The following AUTS2 variants were observed in gnomAD, a reference collection of about 807,000 sequenced individuals.
AUTS2 encodes the protein autism susceptibility gene 2 protein.
In AUTS2, 17 loss-of-function variants were observed where a neutral mutation model predicts 112.4. The observed-to-expected ratio is 0.15, with a 90% CI of 0.10 to 0.23. The LOEUF (loss-of-function observed/expected upper bound fraction) is 0.23. Among genes scored for constraint, AUTS2 ranks in the 10% least tolerant of loss-of-function variants. The pLI is 1.00. For synonymous variants in AUTS2, 751 were observed against 702.7 expected (o/e 1.07, Z -1.09); for missense variants, 1,510 against 1,701.6 (o/e 0.89, Z 1.98).
chr7:70,373,152 G>T (rs1433485077), intron 4 of AUTS2, among the ~76,000 whole-genome samples: 6 of 151,624 alleles, frequency 4.0e-5, no homozygotes, highest in African/African-American at 1.5e-4. Context: ...TGAGAAACCA[G>T]GGGGGAGTGG....
At chr7:70,458,631 C>T (rs183619649) in intron 5 of AUTS2, among the ~76,000 whole-genome samples, 4 of 152,202 alleles carry the variant, frequency 2.6e-5, no homozygotes, top group East Asian at 1.9e-4. Flanking sequence ...TGGAGGGAAG[C>T]GGGAGGCATG....
At chr7:69,889,502 T>G (rs1794425765) in intron 1 of AUTS2, among the ~76,000 whole-genome samples, 1 of 152,236 alleles carries the variant, frequency 6.6e-6, no homozygotes, top group African/African-American at 2.4e-5. Context: ...GTCTTTTTGA[T>G]AATACCCGTC....
At chr7:69,908,022 A>G (rs1303059876) in intron 2 of AUTS2, among the ~76,000 whole-genome samples, 7 of 152,232 alleles carry the variant, frequency 4.6e-5, no homozygotes, top group African/African-American at 1.7e-4. Context: ...TGAACAAGGA[A>G]TGACCTCCCT....
chr7:69,748,355 G>A (rs1787599147), intron 1 of AUTS2, among the ~76,000 whole-genome samples: 1 of 152,164 alleles, frequency 6.6e-6, no homozygotes, highest in Non-Finnish European at 1.5e-5. Flanking sequence ...AAAATTAAAA[G>A]TATTGCATAA....
At chr7:70,111,000 G>C (rs1295630860) in intron 2 of AUTS2, among the ~76,000 whole-genome samples, 1 of 150,628 alleles carries the variant, frequency 6.6e-6, no homozygotes, top group African/African-American at 2.4e-5. Context: ...GCCCCACCTC[G>C]AGTAGCTGGG....
intron 2 of AUTS2, among the ~76,000 whole-genome samples, chr7:70,085,062 A>G (rs1291561458): frequency 6.6e-6 from 1 of 152,052 alleles, no homozygotes; most frequent in East Asian, 1.9e-4. Flanking sequence ...TTTTTTGTAG[A>G]GATAGGGTTT....
intron 4 of AUTS2, among the ~76,000 whole-genome samples, chr7:70,427,401 T>C (rs1795480369): frequency 1.3e-5 from 2 of 152,198 alleles, no homozygotes; most frequent in Non-Finnish European, 2.9e-5. Context: ...TTGGGGTTTA[T>C]GTATATTTAT....
At chr7:70,362,635 C>T (rs528687693) in intron 4 of AUTS2, among the ~76,000 whole-genome samples, 2 of 152,032 alleles carry the variant, frequency 1.3e-5, no homozygotes, top group East Asian at 1.9e-4. Flanking sequence ...TCCCTCTCTC[C>T]TTCCTCCCGT....
At chr7:70,070,693 C>CGTCT (rs1802719343) in intron 2 of AUTS2, among the ~76,000 whole-genome samples, 1 of 151,850 alleles carries the variant, frequency 6.6e-6, no homozygotes, top group Non-Finnish European at 1.5e-5. Flanking sequence ...GGTGAAACCC[C>CGTCT]GTCTCTACTA....
At chr7:69,707,028 T>C (rs1798088563) in intron 1 of AUTS2, among the ~76,000 whole-genome samples, 1 of 152,208 alleles carries the variant, frequency 6.6e-6, no homozygotes, top group African/African-American at 2.4e-5. Flanking sequence ...CTTGGAATTT[T>C]TCATTTCCTT....
At chr7:70,364,073 G>A (rs1463409735) in intron 4 of AUTS2, among the ~76,000 whole-genome samples, 1 of 152,148 alleles carries the variant, frequency 6.6e-6, no homozygotes, top group African/African-American at 2.4e-5. Flanking sequence ...TATTTCAGCA[G>A]GGTTTGTGGA....
intron 6 of AUTS2, among the ~76,000 whole-genome samples, chr7:70,733,088 A>G (rs183116972): frequency 5.4e-4 from 83 of 152,358 alleles, no homozygotes; most frequent in African/African-American, 1.6e-3. Context: ...ACACCATTCA[A>G]GAATAGTAAA....
chr7:69,960,662 G>T (rs1000072661), intron 2 of AUTS2, among the ~76,000 whole-genome samples: 2 of 152,106 alleles, frequency 1.3e-5, no homozygotes, highest in African/African-American at 4.8e-5. Context: ...AGATGAACAT[G>T]CAGAGTTAAT....
At chr7:69,634,703 G>A (rs1794436532) in intron 1 of AUTS2, among the ~76,000 whole-genome samples, 1 of 152,074 alleles carries the variant, frequency 6.6e-6, no homozygotes, top group Non-Finnish European at 1.5e-5. Flanking sequence ...TAAGTATTTC[G>A]GGAAGAGGGA....
chr7:69,607,371 A>G (rs559164471), intron 1 of AUTS2, among the ~76,000 whole-genome samples: 73 of 151,592 alleles, frequency 4.8e-4, no homozygotes, highest in African/African-American at 1.7e-3. Flanking sequence ...CTCTTCCTTT[A>G]CTGAGGTAGA....
chr7:70,634,535 T>A (rs1255498140), intron 5 of AUTS2, among the ~76,000 whole-genome samples: 2 of 152,178 alleles, frequency 1.3e-5, no homozygotes, highest in Admixed American at 6.5e-5. Flanking sequence ...CTAGAGTGCA[T>A]GCATTCAGAG....
intron 5 of AUTS2, among the ~76,000 whole-genome samples, chr7:70,522,220 A>T (rs1799672139): frequency 1.3e-5 from 2 of 152,218 alleles, no homozygotes; most frequent in Admixed American, 1.3e-4. Context: ...TCTAAAAAGA[A>T]TGCATCAAAT....
chr7:69,829,280 A>T (rs1791392739), intron 1 of AUTS2, among the ~76,000 whole-genome samples: 1 of 152,230 alleles, frequency 6.6e-6, no homozygotes, highest in South Asian at 2.1e-4. Context: ...ACCCCAAACC[A>T]TAAAAAACCT....
intron 14 of AUTS2, among the ~76,000 whole-genome samples, chr7:70,777,896 G>A (rs1163113916): frequency 6.6e-6 from 1 of 152,130 alleles, no homozygotes; most frequent in African/African-American, 2.4e-5. Flanking sequence ...ATAGTGACTG[G>A]TGCATTCTTT....
Sources: gnomAD v4.1 joint callset for allele counts (sites outside exome capture counted in the v4.1 genomes callset) on GRCh38, gnomAD v4.1.1 for gene constraint, MANE v1.5 for transcripts, NCBI Gene and HGNC (gene_info 2026-07-23, HGNC 2026-07-21) for gene names.